The following ACYP2 variants were observed in gnomAD, a reference collection of about 807,000 sequenced individuals.
ACYP2 encodes the protein acylphosphatase-2.
In ACYP2, 12 loss-of-function variants were observed where a neutral mutation model predicts 11.2. That is an observed-to-expected ratio of 1.08 (90% CI 0.69 to 1.74). ACYP2 has a LOEUF of 1.74. ACYP2 is among the 40% of genes most tolerant of loss of function. The pLI is 0.00. For missense variants in ACYP2, 134 were observed against 101.9 expected (o/e 1.31, Z -1.35); for synonymous variants, 43 against 32.2 (o/e 1.33, Z -1.13).
At chr2:54,101,898 T>A (rs1455680981) in intron 4 of ACYP2, among the ~76,000 whole-genome samples, 1 of 152,230 alleles carries the variant, frequency 6.6e-6, no homozygotes, top group Non-Finnish European at 1.5e-5. Flanking sequence ...GTGATACATT[T>A]GTAGTTACAA....
At chr2:54,184,233 C>A (rs985958046) in intron 6 of ACYP2, among the ~76,000 whole-genome samples, 3 of 152,074 alleles carry the variant, frequency 2.0e-5, no homozygotes, top group African/African-American at 4.8e-5. Flanking sequence ...GCCAGACATA[C>A]AAAGAAACAT....
At chr2:54,126,107 AAGG>A (rs1437903578) in intron 4 of ACYP2, among the ~76,000 whole-genome samples, 1 of 152,290 alleles carries the variant, frequency 6.6e-6, no homozygotes, top group East Asian at 1.9e-4. Flanking sequence ...TAAAAATAAA[AAGG>A]AGATTTATTT....
intron 4 of ACYP2, among the ~76,000 whole-genome samples, chr2:54,111,493 TG>T (rs35563044): frequency 0.24 from 36,258 of 152,082 alleles, 4,919 homozygotes; most frequent in African/African-American, 0.37. Context: ...AAAGAAAAAT[TG>T]GTTCAAACCT....
At chr2:54,078,901 A>G (rs1014900790) in intron 4 of ACYP2, among the ~76,000 whole-genome samples, 8 of 152,116 alleles carry the variant, frequency 5.3e-5, no homozygotes, top group Non-Finnish European at 1.2e-4. Flanking sequence ...CCCGGCCTCA[A>G]TAAGCTTTTT....
chr2:53,993,212 G>C (rs779859111), intron 2 of ACYP2, among the ~76,000 whole-genome samples: 3 of 151,958 alleles, frequency 2.0e-5, no homozygotes, highest in Non-Finnish European at 2.9e-5. Flanking sequence ...AAAGGTTTTT[G>C]CTTTGTTTCG....
At chr2:54,266,922 G>A (rs889394563) in intron 6 of ACYP2, among the ~76,000 whole-genome samples, 1 of 152,028 alleles carries the variant, frequency 6.6e-6, no homozygotes, top group Non-Finnish European at 1.5e-5. Flanking sequence ...GTGCAGAAAT[G>A]TTAATTTGCA....
chr2:54,272,875 G>A (rs910921602), intron 6 of ACYP2, among the ~76,000 whole-genome samples: 2 of 152,170 alleles, frequency 1.3e-5, no homozygotes, highest in Non-Finnish European at 2.9e-5. Context: ...AAACTCATGT[G>A]GTATCTCCTA....
chr2:54,115,582 C>A (rs1389001674), intron 4 of ACYP2, 33 bp from the exon 1 acceptor site: 1 of 1,541,068 alleles, frequency 6.5e-7, no homozygotes, highest in Non-Finnish European at 8.8e-7. Context: ...CGTCCGGGAC[C>A]GGTGACAGGC....
chr2:53,986,426 T>TC lies in ACYP2; in HGVS notation c.62+12618dup, dbSNP rs1672040729. 2.0e-5 allele frequency among the ~76,000 whole-genome samples: 3 copies of TC among 151,576 alleles called. No homozygotes were observed. The South Asian group carries it at 6.3e-4, about 32-fold the overall frequency. ...ATCTCAGCTCACTGCAACTTCTGCC[T>TC]CCTGGGTTCAAGCGATTCTCCTGCC... On this transcript the variant is annotated intron_variant, in intron 2 of 6. Coordinates refer to ENST00000607452, the MANE Select transcript of ACYP2 (RefSeq NM_001320586.2).
At chr2:53,999,250 A>G (rs1672698843) in intron 2 of ACYP2, among the ~76,000 whole-genome samples, 2 of 152,232 alleles carry the variant, frequency 1.3e-5, no homozygotes, top group African/African-American at 2.4e-5. Flanking sequence ...AACAACATCA[A>G]TAGCAAGTTT....
chr2:54,236,923 C>G (rs77044890), intron 6 of ACYP2, among the ~76,000 whole-genome samples: 4 of 152,134 alleles, frequency 2.6e-5, no homozygotes, highest in Non-Finnish European at 5.9e-5. Context: ...AGTTGTCCCT[C>G]CATATCCATA....
chr2:54,163,996 A>G (rs1682843393), intron 6 of ACYP2, among the ~76,000 whole-genome samples: 1 of 152,248 alleles, frequency 6.6e-6, no homozygotes, highest in African/African-American at 2.4e-5. Flanking sequence ...GAGGCAATAA[A>G]ACTTATGCCT....
At chr2:54,265,472 G>T (rs1216270599) in intron 6 of ACYP2, among the ~76,000 whole-genome samples, 1 of 152,180 alleles carries the variant, frequency 6.6e-6, no homozygotes, top group African/African-American at 2.4e-5. Context: ...TGAGATATGG[G>T]TGGGGACACA....
intron 6 of ACYP2, among the ~76,000 whole-genome samples, chr2:54,260,442 C>T (rs966788278): frequency 3.3e-5 from 5 of 152,052 alleles, no homozygotes; most frequent in Admixed American, 6.6e-5. Context: ...TTTCTCCAGC[C>T]GCATTCAACT....
intron 6 of ACYP2, among the ~76,000 whole-genome samples, chr2:54,232,374 A>T (rs1215905993): frequency 2.0e-5 from 3 of 151,990 alleles, no homozygotes; most frequent in Non-Finnish European, 4.4e-5. Flanking sequence ...TGACACCATC[A>T]CTTAGACCAG....
At chr2:54,052,004 A>C (rs1192926751) in intron 3 of ACYP2, among the ~76,000 whole-genome samples, 1 of 151,836 alleles carries the variant, frequency 6.6e-6, no homozygotes, top group Non-Finnish European at 1.5e-5. Context: ...CCAAGATCGC[A>C]CCATTGCACT....
intron 6 of ACYP2, among the ~76,000 whole-genome samples, chr2:54,297,156 T>C (rs1689554995): frequency 6.6e-6 from 1 of 152,110 alleles, no homozygotes; most frequent in South Asian, 2.1e-4. Flanking sequence ...TGTAGAAATT[T>C]TCTGAAAGGC....
intron 6 of ACYP2, among the ~76,000 whole-genome samples, chr2:54,209,509 G>A (rs1558615064): frequency 6.6e-6 from 1 of 152,134 alleles, no homozygotes; most frequent in Non-Finnish European, 1.5e-5. Flanking sequence ...TTAAGACATT[G>A]TTTGGACTCA....
chr2:54,116,414 A>G (rs1415227291), intron 4 of ACYP2, among the ~76,000 whole-genome samples: 1 of 151,992 alleles, frequency 6.6e-6, no homozygotes, highest in African/African-American at 2.4e-5. Flanking sequence ...CTCTTCAACA[A>G]TGGGAAATTT....
Sources: gnomAD v4.1 joint callset for allele counts (sites outside exome capture counted in the v4.1 genomes callset) on GRCh38, gnomAD v4.1.1 for gene constraint, MANE v1.5 for transcripts, NCBI Gene and HGNC (gene_info 2026-07-23, HGNC 2026-07-21) for gene names.